CFAP263: variants seen among roughly 807,000 people sequenced by gnomAD.
CFAP263 encodes the protein cilia- and flagella-associated protein 263.
the CFAP263 span, chr16:58,252,876 A>T: frequency 1.1e-5 from 17 of 1,611,448 alleles, no homozygotes; most frequent in Non-Finnish European, 1.4e-5. Flanking sequence ...GATCTAGATC[A>T]TTCTTTTATT....
At chr16:58,266,540 G>A in the CFAP263 span, among the ~76,000 whole-genome samples, 3 of 150,876 alleles carry the variant, frequency 2.0e-5, no homozygotes, top group East Asian at 2.0e-4. Flanking sequence ...CCTACTGTCC[G>A]GGCTGTGAGC....
the CFAP263 span, chr16:58,279,674 C>CTT: frequency 1.5e-3 from 2,036 of 1,394,780 alleles, no homozygotes; most frequent in Non-Finnish European, 1.7e-3. Context: ...TTCTTTTTTT[C>CTT]TTTTTTTTTT....
At chr16:58,260,607 G>A in the CFAP263 span, among the ~76,000 whole-genome samples, 2 of 152,126 alleles carry the variant, frequency 1.3e-5, no homozygotes, top group East Asian at 1.9e-4. Flanking sequence ...GTCTAGCATC[G>A]CCATCAGCTG....
the CFAP263 span, among the ~76,000 whole-genome samples, chr16:58,254,709 A>G: frequency 2.0e-5 from 3 of 151,320 alleles, no homozygotes; most frequent in Admixed American, 6.6e-5. Context: ...GGTTCACACC[A>G]TTCTCCTGCC....
chr16:58,260,657 G>T, the CFAP263 span, among the ~76,000 whole-genome samples: 1 of 152,106 alleles, frequency 6.6e-6, no homozygotes, highest in Non-Finnish European at 1.5e-5. Flanking sequence ...AGGCAAACAT[G>T]GTTCCATCCT....
At chr16:58,277,950 T>A in the CFAP263 span, among the ~76,000 whole-genome samples, 1 of 152,204 alleles carries the variant, frequency 6.6e-6, no homozygotes, top group Middle Eastern at 3.4e-3. Flanking sequence ...GATTGTATAA[T>A]GGGTACAGAA....
the CFAP263 span, chr16:58,258,252 A>G: frequency 3.6e-6 from 3 of 830,076 alleles, no homozygotes; most frequent in South Asian, 3.6e-5. Context: ...TCCTAAGACT[A>G]AGAAGAAACA....
chr16:58,270,356 T>A, the CFAP263 span, among the ~76,000 whole-genome samples: 3 of 152,128 alleles, frequency 2.0e-5, no homozygotes, highest in Non-Finnish European at 4.4e-5. Flanking sequence ...TATAATAGGA[T>A]GTTGAATGTC....
chr16:58,279,766 G>C, the CFAP263 span: 1 of 1,612,666 alleles, frequency 6.2e-7, no homozygotes, highest in Non-Finnish European at 8.5e-7. Context: ...AGATTACCTT[G>C]CTGGGAAGTA....
the CFAP263 span, chr16:58,280,028 C>G: frequency 3.1e-5 from 20 of 640,208 alleles, no homozygotes; most frequent in Admixed American, 5.6e-4. Flanking sequence ...GCATTTAGTT[C>G]ACAAGCATAG....
the CFAP263 span, among the ~76,000 whole-genome samples, chr16:58,277,719 A>G: frequency 1.0e-3 from 156 of 152,390 alleles, 4 homozygotes; most frequent in East Asian, 0.027. Context: ...TGGTATATTC[A>G]TACAACGGAA....
chr16:58,273,602 T>C, the CFAP263 span, among the ~76,000 whole-genome samples: 1 of 152,226 alleles, frequency 6.6e-6, no homozygotes, highest in East Asian at 1.9e-4. Flanking sequence ...TTTAATTCTT[T>C]AAACATGGTT....
chr16:58,276,537 G>A, the CFAP263 span, among the ~76,000 whole-genome samples: 1 of 152,182 alleles, frequency 6.6e-6, no homozygotes, highest in African/African-American at 2.4e-5. Context: ...CTAGATGCCA[G>A]CAGCACCCCT....
chr16:58,282,830 G>C, the CFAP263 span: 1 of 152,258 alleles, frequency 6.6e-6, no homozygotes, highest in Non-Finnish European at 1.5e-5. Context: ...GCCAGAGCAA[G>C]AAAAAGAATG....
chr16:58,254,232 T>G, the CFAP263 span: 3 of 1,486,724 alleles, frequency 2.0e-6, no homozygotes, highest in Non-Finnish European at 2.8e-6. Flanking sequence ...GTATCTAGAG[T>G]GGGTTCATGT....
the CFAP263 span, chr16:58,258,337 C>T: frequency 5.0e-6 from 8 of 1,604,164 alleles, no homozygotes; most frequent in Non-Finnish European, 6.8e-6. Flanking sequence ...TTGCTGGAAA[C>T]GTTCTTCTCT....
chr16:58,281,468 A>T, the CFAP263 span: 2 of 152,602 alleles, frequency 1.3e-5, no homozygotes, highest in African/African-American at 4.8e-5. Context: ...AAAGGCCAGC[A>T]TTTTTCTGAA....
the CFAP263 span, among the ~76,000 whole-genome samples, chr16:58,255,727 A>G: frequency 6.6e-6 from 1 of 151,778 alleles, no homozygotes; most frequent in Non-Finnish European, 1.5e-5. Context: ...ACACCCAGCT[A>G]ATTTTTTTTG....
At chr16:58,264,938 G>A in the CFAP263 span, among the ~76,000 whole-genome samples, 81 of 152,352 alleles carry the variant, frequency 5.3e-4, no homozygotes, top group Middle Eastern at 3.4e-3. Flanking sequence ...ACAGCATTTA[G>A]ACAGCACCAG....
Sources: gnomAD v4.1 joint callset for allele counts (sites outside exome capture counted in the v4.1 genomes callset) on GRCh38, gnomAD v4.1.1 for gene constraint, MANE v1.5 for transcripts, NCBI Gene and HGNC (gene_info 2026-07-23, HGNC 2026-07-21) for gene names.